The following DRD3 variants were observed in gnomAD, a reference collection of about 807,000 sequenced individuals.
DRD3 encodes the protein dopamine receptor D3.
DRD3 carries 19 observed loss-of-function variants against 36.3 expected under a neutral mutation model. That is an observed-to-expected ratio of 0.52 (90% CI 0.36 to 0.77). The LOEUF (loss-of-function observed/expected upper bound fraction) is 0.77. Ranked by LOEUF, DRD3 falls within the 30% of genes least tolerant of loss-of-function variation. The probability of loss-of-function intolerance (pLI) is 0.00; values close to 1 mark genes in which losing one functional copy is unlikely to be tolerated. For missense variants in DRD3, 465 were observed against 505.3 expected (o/e 0.92, Z 0.77); for synonymous variants, 195 against 203.7 (o/e 0.96, Z 0.36).
At chr3:114,173,038 G>T (rs1365724131) in intron 1 of DRD3, among the ~76,000 whole-genome samples, 1 of 152,026 alleles carries the variant, frequency 6.6e-6, no homozygotes, top group Non-Finnish European at 1.5e-5. Flanking sequence ...GGAGGTGGGG[G>T]TCTTTGAGAG....
chr3:114,196,970 ATTTTTTTC>A (rs1321330540), intron 1 of DRD3, among the ~76,000 whole-genome samples: 11 of 147,572 alleles, frequency 7.5e-5, no homozygotes, highest in African/African-American at 1.5e-4. Context: ...ATTTATTTTT[ATTTTTTTC>A]TTTTTTTCTT....
rs9817063 is a variant in DRD3, at chr3:114,128,261, T to C, written c.*455A>G. ...GAAGGAAAGAAATGACCAAGAGGAA[T>C]GGGCCCGTAAAAGTACAAGGTTAGC... On this transcript the variant is annotated 3_prime_UTR_variant, in exon 7 of 7. Transcript: ENST00000383673. Among the ~76,000 whole-genome samples, 67,111 of 151,960 alleles carry C rather than the reference T, an allele frequency of 0.44. 14,986 individuals are homozygous for C. Among genetic ancestry groups the C allele is most frequent in the Non-Finnish European group, 0.48 (32,313 of 67,954 alleles).
chr3:114,169,997 A>T (rs1354773682), intron 2 of DRD3, among the ~76,000 whole-genome samples: 1 of 152,226 alleles, frequency 6.6e-6, no homozygotes, highest in Non-Finnish European at 1.5e-5. Context: ...CCTGCCATTC[A>T]TCCTTCTGGA....
chr3:114,169,246 T>C (rs1175601432), intron 2 of DRD3, among the ~76,000 whole-genome samples: 2 of 151,358 alleles, frequency 1.3e-5, no homozygotes, highest in Non-Finnish European at 3.0e-5. Context: ...TAGGAAAACA[T>C]TTGAGATTAA....
At chr3:114,164,990 A>G (rs937540707) in intron 2 of DRD3, among the ~76,000 whole-genome samples, 1 of 152,232 alleles carries the variant, frequency 6.6e-6, no homozygotes, top group Non-Finnish European at 1.5e-5. Flanking sequence ...ACCTCAGGTG[A>G]TCCACCCACC....
chr3:114,168,437 A>C (rs888909886), intron 2 of DRD3, among the ~76,000 whole-genome samples: 1 of 151,996 alleles, frequency 6.6e-6, no homozygotes, highest in Non-Finnish European at 1.5e-5. Flanking sequence ...ACACGTTTTC[A>C]TTTTTTCTTT....
intron 5 of DRD3, among the ~76,000 whole-genome samples, chr3:114,133,405 G>A (rs936219551): frequency 2.0e-5 from 3 of 152,064 alleles, no homozygotes; most frequent in Non-Finnish European, 4.4e-5. Context: ...TGGGATTGTA[G>A]ATGAAATAAG....
At chr3:114,150,404 G>T (rs2077606330) in intron 3 of DRD3, among the ~76,000 whole-genome samples, 1 of 152,216 alleles carries the variant, frequency 6.6e-6, no homozygotes, top group Non-Finnish European at 1.5e-5. Flanking sequence ...CCTGCATGCA[G>T]CTGTCTTGCC....
intron 3 of DRD3, among the ~76,000 whole-genome samples, chr3:114,147,917 G>C (rs2107847642): frequency 6.6e-6 from 1 of 152,316 alleles, no homozygotes; most frequent in Middle Eastern, 3.4e-3. Flanking sequence ...GGGATTACAG[G>C]CGTGAGCCAC....
At chr3:114,141,264 C>G (rs947499456) in intron 4 of DRD3, among the ~76,000 whole-genome samples, 2 of 152,142 alleles carry the variant, frequency 1.3e-5, no homozygotes, top group Non-Finnish European at 1.5e-5. Flanking sequence ...AAACTCCCCA[C>G]CTCAGGTGAT....
intron 1 of DRD3, among the ~76,000 whole-genome samples, chr3:114,191,106 C>G (rs949091266): frequency 6.6e-6 from 1 of 152,202 alleles, no homozygotes; most frequent in African/African-American, 2.4e-5. Context: ...AGAATTAATT[C>G]TATGACAGGC....
At chr3:114,133,452 T>C (rs564651629) in intron 5 of DRD3, among the ~76,000 whole-genome samples, 133 of 151,944 alleles carry the variant, frequency 8.8e-4, no homozygotes, top group African/African-American at 3.0e-3. Context: ...GGCTGCCTGA[T>C]GGCTACTGGG....
At chr3:114,187,575 G>T (rs1359886579) in intron 1 of DRD3, among the ~76,000 whole-genome samples, 1 of 152,148 alleles carries the variant, frequency 6.6e-6, no homozygotes, top group Non-Finnish European at 1.5e-5. Context: ...TGCCATGATT[G>T]AAATGTGGTC....
intron 6 of DRD3, 75 bp from the exon 7 acceptor site, chr3:114,128,987 C>T (rs950956331): frequency 4.2e-5 from 59 of 1,417,834 alleles, no homozygotes; most frequent in Non-Finnish European, 4.9e-5. Flanking sequence ...GAATGACTCA[C>T]GGTTGTCTAC....
intron 4 of DRD3, among the ~76,000 whole-genome samples, chr3:114,139,922 A>G (rs1200041560): frequency 6.6e-6 from 1 of 152,184 alleles, no homozygotes; most frequent in African/African-American, 2.4e-5. Flanking sequence ...ACCAACAATC[A>G]TACGCCAGAC....
chr3:114,161,079 C>T (rs1297688625), intron 2 of DRD3, among the ~76,000 whole-genome samples: 1 of 152,070 alleles, frequency 6.6e-6, no homozygotes, highest in Admixed American at 6.6e-5. Flanking sequence ...ACTCATGGAC[C>T]GCGAGGCTTT....
Position 114,171,853 on chromosome 3 carries a change from T to C in DRD3, c.140A>G (p.Asn47Ser). ...CALILAIVFGNGLVCMAVLKE... is the reference protein window; with the variant it reads ...CALILAIVFGSGLVCMAVLKE... ...CAGCACAGCCATGCACACCAGGCCA[T>C]TGCCGAAGACGATGGCCAGGATGAG... The change falls in exon 2 of 7, where the codon AAT (asparagine) becomes AGT (serine). Residue 47 changes from asparagine (N) to serine (S), a missense_variant. By Grantham distance (46) the Asn-to-Ser change is conservative. Transcript: ENST00000383673. The C allele has an allele frequency of 6.2e-7, 1 of 1,613,892 alleles. No homozygotes were observed. Among genetic ancestry groups the C allele is most frequent in the South Asian group, 1.1e-5 (1 of 90,998 alleles).
intron 1 of DRD3, among the ~76,000 whole-genome samples, chr3:114,191,032 T>C (rs1175711328): frequency 6.6e-6 from 1 of 152,208 alleles, no homozygotes; most frequent in African/African-American, 2.4e-5. Context: ...CCAAAGTCTC[T>C]GGCAGTTCAG....
intron 3 of DRD3, among the ~76,000 whole-genome samples, chr3:114,158,112 A>G (rs1170923525): frequency 6.6e-6 from 1 of 152,062 alleles, no homozygotes; most frequent in Non-Finnish European, 1.5e-5. Flanking sequence ...CAAAAAAAGA[A>G]AAAAGAAAAA....
Sources: gnomAD v4.1 joint callset for allele counts (sites outside exome capture counted in the v4.1 genomes callset) on GRCh38, gnomAD v4.1.1 for gene constraint, MANE v1.5 for transcripts, NCBI Gene and HGNC (gene_info 2026-07-23, HGNC 2026-07-21) for gene names.